The following ZNF624 variants were observed in gnomAD, a reference collection of about 807,000 sequenced individuals.
ZNF624 encodes zinc finger protein 624.
ZNF624 carries 43 observed loss-of-function variants against 74.7 expected under a neutral mutation model. The ratio of observed to expected loss-of-function variants is 0.58; its 90% CI spans 0.45 to 0.74. ZNF624 has a LOEUF of 0.74. ZNF624 is among the 30% of genes least tolerant of loss of function. The pLI is 0.00. For synonymous variants in ZNF624, 331 were observed against 341.3 expected (o/e 0.97, Z 0.33); for missense variants, 820 against 1,030.0 (o/e 0.80, Z 2.79).
chr17:16,651,110 G>A (rs1181953346), intron 1 of ZNF624, among the ~76,000 whole-genome samples: 2 of 152,136 alleles, frequency 1.3e-5, no homozygotes, highest in Admixed American at 1.3e-4. Flanking sequence ...GAGGAGACCA[G>A]GGTTAGTTAA....
intron 5 of ZNF624, among the ~76,000 whole-genome samples, chr17:16,626,063 C>T (rs1478570537): frequency 6.6e-6 from 1 of 152,034 alleles, no homozygotes; most frequent in African/African-American, 2.4e-5. Flanking sequence ...GATTCTTGTG[C>T]TTCAGCTTCC....
chr17:16,616,583 A>G (rs756790325), downstream of ZNF624, among the ~76,000 whole-genome samples: 1 of 152,252 alleles, frequency 6.6e-6, no homozygotes, highest in Non-Finnish European at 1.5e-5. Flanking sequence ...AAACTAAATG[A>G]GCTTAATCTT....
chr17:16,634,008 C>G, intron 4 of ZNF624, 51 bp from the exon 5 acceptor site: 1 of 1,459,980 alleles, frequency 6.8e-7, no homozygotes. Context: ...AGCAAGAACT[C>G]CTGCCAAATT....
the ZNF624 span, among the ~76,000 whole-genome samples, chr17:16,615,275 T>G: frequency 6.6e-6 from 1 of 152,088 alleles, no homozygotes; most frequent in Non-Finnish European, 1.5e-5. Context: ...TTTTTTGTAT[T>G]TTTAGCAGAG....
intron 5 of ZNF624, among the ~76,000 whole-genome samples, chr17:16,633,171 T>C (rs1447448207): frequency 6.6e-6 from 1 of 152,198 alleles, no homozygotes; most frequent in Admixed American, 6.5e-5. Flanking sequence ...ACCATTTTAG[T>C]TTGTTTTTAT....
At position 16,623,567 on chromosome 17, in the gene ZNF624, T is replaced by G; in HGVS notation, c.1319A>C (p.Glu440Ala). The change falls in exon 6 of 6, where the codon GAA (glutamate) becomes GCA (alanine). Residue 440 changes from glutamate to alanine, a missense_variant. Physicochemically the swap from Glu to Ala is moderately radical, Grantham distance 107 (BLOSUM62 -1). Transcript: ENST00000311331. This position sits in a 1 kb window ranked among gnomAD's most constrained non-coding sequence, Gnocchi z 5.3. The part of the protein sequence containing the change: ...YLSVHQKTHT[E>A]EKPYQCNECG... ...CTCGTTGCACTGATATGGTTTCTCT[T>G]CAGTGTGGGTCTTCTGATGTACACT... is the stretch of plus-strand genomic sequence containing the variant. 1 of 1,610,450 alleles carries G rather than the reference T, an allele frequency of 6.2e-7. No homozygotes were observed. Among genetic ancestry groups the G allele is most frequent in the Non-Finnish European group, 8.5e-7 (1 of 1,178,920 alleles).
At chr17:16,630,207 A>G (rs1387672598) in intron 5 of ZNF624, among the ~76,000 whole-genome samples, 1 of 152,170 alleles carries the variant, frequency 6.6e-6, no homozygotes, top group African/African-American at 2.4e-5. Flanking sequence ...AAAATTTCAA[A>G]CTTACCAAAA....
the ZNF624 span, among the ~76,000 whole-genome samples, chr17:16,615,402 T>G: frequency 6.6e-6 from 1 of 152,174 alleles, no homozygotes; most frequent in Non-Finnish European, 1.5e-5. Context: ...CAGCCTCAGT[T>G]TCAGCTTTCT....
At position 16,623,550 on chromosome 17, in the gene ZNF624, A is replaced by G. The variant is rs1226118780; in HGVS notation, c.1336T>C (p.Cys446Arg). 2 of 1,610,376 alleles carry G rather than the reference A, an allele frequency of 1.2e-6. No homozygotes were observed. The highest frequency in any genetic ancestry group is 2.7e-5 in the African/African-American group (2 of 74,576). ...KTHTEEKPYQ[C>R]NECGKSFKNT... ...TTAAAAGACTTCCCACACTCGTTGC[A>G]CTGATATGGTTTCTCTTCAGTGTGG... Residue 446 changes from cysteine (C) to arginine (R), a missense_variant, in exon 6 of 6, where the codon TGC (cysteine) becomes CGC (arginine). Cys to Arg is a radical substitution (Grantham distance 180). Coordinates refer to ENST00000311331, the MANE Select transcript of ZNF624 (RefSeq NM_020787.4). The surrounding 1 kb of genome is among the most constrained non-coding windows in gnomAD (Gnocchi z 5.3).
chr17:16,623,375 T>C lies in ZNF624; in HGVS notation c.1511A>G (p.Glu504Gly), dbSNP rs761787393. 8.7e-6 allele frequency: 14 copies of C among 1,613,808 alleles called. No homozygotes were observed. The highest frequency in any genetic ancestry group is 1.1e-5 in the Non-Finnish European group (13 of 1,179,828). The change falls in exon 6 of 6, where the codon GAA becomes GGA. Residue 504 changes from glutamate (E) to glycine (G), a missense_variant. Transcript: ENST00000311331. The surrounding 1 kb of genome is among the most constrained non-coding windows in gnomAD (Gnocchi z 5.3). ...GATGCGGTTGAATGCTTTCCCACAT[T>C]CATTACATTCATAGGGTTTTTCCCC... Reference protein sequence around the residue: ...HTGEKPYECNECGKAFNRIAN... With the variant: ...HTGEKPYECNGCGKAFNRIAN...
intron 3 of ZNF624, among the ~76,000 whole-genome samples, chr17:16,637,324 T>A (rs1909358349): frequency 6.6e-6 from 1 of 152,166 alleles, no homozygotes; most frequent in Non-Finnish European, 1.5e-5. Flanking sequence ...GCCACCCCCA[T>A]CAAGCTACCA....
Position 16,630,685 on chromosome 17 carries a change from TGTA to T in ZNF624, c.376+3174_376+3176del, listed in dbSNP as rs536128864. The stretch of plus-strand genomic sequence containing the variant: ...CAAATAACAACCAAAAGAAAGATGC[TGTA>T]GTAATATTAGTATCAGACAAAACAG... On this transcript the variant is annotated intron_variant, in intron 5 of 5. Transcript: ENST00000311331. Among the ~76,000 whole-genome samples the T allele has an allele frequency of 3.1e-3, 471 of 152,330 alleles. 1 individual carries two copies. The highest frequency in any genetic ancestry group is 0.01 in the African/African-American group (426 of 41,578).
intron 3 of ZNF624, among the ~76,000 whole-genome samples, chr17:16,637,598 C>G (rs537939572): frequency 2.0e-5 from 3 of 152,002 alleles, no homozygotes; most frequent in Non-Finnish European, 4.4e-5. Context: ...ACAAACCTGA[C>G]AAAAACAAGA....
At chr17:16,639,735 A>G (rs1909422897) in intron 3 of ZNF624, among the ~76,000 whole-genome samples, 1 of 152,242 alleles carries the variant, frequency 6.6e-6, no homozygotes, top group Non-Finnish European at 1.5e-5. Flanking sequence ...TACATGATAA[A>G]GAATACAGAC....
At chr17:16,651,872 T>C (rs1234962404) in intron 1 of ZNF624, among the ~76,000 whole-genome samples, 1 of 152,156 alleles carries the variant, frequency 6.6e-6, no homozygotes, top group Non-Finnish European at 1.5e-5. Flanking sequence ...CACAGAAATA[T>C]ACAGCTTGAA....
intron 5 of ZNF624, 60 bp downstream of exon 5, chr17:16,633,802 C>T (rs954406128): frequency 5.7e-5 from 73 of 1,289,018 alleles, no homozygotes; most frequent in Non-Finnish European, 7.8e-5. Flanking sequence ...TTCTGGTGAA[C>T]ATCCCCCTAT....
At position 16,623,759 on chromosome 17, in the gene ZNF624, T is replaced by C. The variant is rs866510921; in HGVS notation, c.1127A>G (p.Asn376Ser). 6.2e-7 allele frequency: 1 copy of C among 1,614,054 alleles called. No individual in the cohort carries two copies. Among genetic ancestry groups the C allele is most frequent in the African/African-American group, 1.3e-5 (1 of 75,056 alleles). ...TCCAGTTTGAATTCTCTGGTGCTGA[T>C]TAAGACGGGCACACTGGCTAAAAGA... ...GKSFSQCARL[N>S]QHQRIQTGEK... is the part of the protein sequence containing the mutation. The change falls in exon 6 of 6, where the codon AAT becomes AGT. Residue 376 changes from asparagine (N) to serine (S), a missense_variant. Coordinates refer to ENST00000311331, the MANE Select transcript of ZNF624 (RefSeq NM_020787.4). The surrounding 1 kb of genome is among the most constrained non-coding windows in gnomAD (Gnocchi z 5.3).
chr17:16,647,538 T>C, intron 2 of ZNF624, 144 bp from the exon 3 acceptor site: 1 of 664,996 alleles, frequency 1.5e-6, no homozygotes, highest in South Asian at 2.0e-5. Flanking sequence ...GAAATCAAAG[T>C]CCCATTGTAA....
intron 5 of ZNF624, among the ~76,000 whole-genome samples, chr17:16,632,817 C>G (rs1347995844): frequency 6.6e-6 from 1 of 152,216 alleles, no homozygotes; most frequent in East Asian, 1.9e-4. Flanking sequence ...TTGGAACTCA[C>G]TTAGATCATC....
Sources: gnomAD v4.1 joint callset for allele counts (sites outside exome capture counted in the v4.1 genomes callset) on GRCh38, gnomAD v4.1.1 for gene constraint, Gnocchi (gnomAD v3.1) non-coding constraint, MANE v1.5 for transcripts, NCBI Gene and HGNC (gene_info 2026-07-23, HGNC 2026-07-21) for gene names.